CA10: variants seen among roughly 807,000 people sequenced by gnomAD.
CA10 encodes the protein carbonic anhydrase 10 (inactive), also known as carbonic anhydrase-related protein 10.
CA10 carries 14 observed loss-of-function variants against 44.2 expected under a neutral mutation model. The observed-to-expected ratio is 0.32, with a 90% CI of 0.21 to 0.50. CA10 has a LOEUF of 0.50. Among genes scored for constraint, CA10 ranks in the 20% least tolerant of loss-of-function variants. The pLI, the probability that CA10 is intolerant of heterozygous loss-of-function variation, is 0.99. For missense variants in CA10, 350 were observed against 409.7 expected, an observed-to-expected ratio of 0.85 and a Z score of 1.26; for synonymous variants, 159 against 141.6, an observed-to-expected ratio of 1.12 and a Z score of -0.87.
intron 4 of CA10, among the ~76,000 whole-genome samples, chr17:51,726,426 G>A (rs1916524534): frequency 6.6e-6 from 1 of 152,112 alleles, no homozygotes; most frequent in African/African-American, 2.4e-5. Flanking sequence ...GTTGCTGAGC[G>A]AGTAGATTTT....
chr17:51,783,712 C>T (rs776430574), intron 3 of CA10, among the ~76,000 whole-genome samples: 7 of 152,124 alleles, frequency 4.6e-5, no homozygotes, highest in Non-Finnish European at 1.0e-4. Flanking sequence ...GGGTCCTTTT[C>T]CTTGGATAAA....
At chr17:51,805,341 G>A (rs1408814570) in intron 3 of CA10, among the ~76,000 whole-genome samples, 2 of 152,188 alleles carry the variant, frequency 1.3e-5, no homozygotes, top group Non-Finnish European at 2.9e-5. Flanking sequence ...TCTCCCTTAA[G>A]GGAGATTTTA....
chr17:51,959,282 C>CTCTCTCTG (rs748461115), intron 2 of CA10, among the ~76,000 whole-genome samples: 9 of 134,452 alleles, frequency 6.7e-5, no homozygotes, highest in Non-Finnish European at 1.3e-4. Flanking sequence ...CTCTCTCTCT[C>CTCTCTCTG]TGTGTGTGTG....
At chr17:51,678,264 G>A (rs1241667792) in intron 4 of CA10, among the ~76,000 whole-genome samples, 4 of 152,176 alleles carry the variant, frequency 2.6e-5, no homozygotes, top group African/African-American at 9.7e-5. Flanking sequence ...TTTTGGAATG[G>A]TGAAAGTGTT....
intron 3 of CA10, chr17:51,762,925 T>C (rs1405335748): frequency 6.6e-6 from 1 of 152,208 alleles, no homozygotes; most frequent in African/African-American, 2.4e-5. Flanking sequence ...TACATTTCTA[T>C]ATCGAGGCAA....
chr17:52,052,991 T>A (rs1045225640), intron 2 of CA10, among the ~76,000 whole-genome samples: 1 of 151,812 alleles, frequency 6.6e-6, no homozygotes, highest in African/African-American at 2.4e-5. Flanking sequence ...CTTCCTACTA[T>A]GTGCCTGGGG....
intron 2 of CA10, among the ~76,000 whole-genome samples, chr17:51,986,867 G>A (rs948959916): frequency 6.6e-6 from 1 of 151,986 alleles, no homozygotes; most frequent in African/African-American, 2.4e-5. Flanking sequence ...GTAGATATCG[G>A]CATGGATGTG....
At chr17:52,058,868 A>G (rs1987300633) in intron 2 of CA10, among the ~76,000 whole-genome samples, 1 of 152,090 alleles carries the variant, frequency 6.6e-6, no homozygotes, top group African/African-American at 2.4e-5. Flanking sequence ...CTTAATTTGC[A>G]TGTCTGTCTC....
At chr17:51,821,854 A>G (rs544035473) in intron 3 of CA10, among the ~76,000 whole-genome samples, 26 of 152,262 alleles carry the variant, frequency 1.7e-4, no homozygotes, top group African/African-American at 5.8e-4. Context: ...TCTGTTATCT[A>G]TTGGCTGTGA....
At chr17:51,678,669 C>G (rs1477870274) in intron 4 of CA10, among the ~76,000 whole-genome samples, 1 of 152,144 alleles carries the variant, frequency 6.6e-6, no homozygotes, top group Non-Finnish European at 1.5e-5. Flanking sequence ...AGGTGAACAT[C>G]TAAGACAGGG....
intron 2 of CA10, among the ~76,000 whole-genome samples, chr17:52,056,399 C>G (rs921351758): frequency 3.9e-5 from 6 of 152,014 alleles, no homozygotes; most frequent in Non-Finnish European, 7.4e-5. Context: ...AAAGAAGCCC[C>G]CTAACCTCAG....
intron 4 of CA10, among the ~76,000 whole-genome samples, chr17:51,718,734 T>C (rs1453442663): frequency 6.6e-6 from 1 of 152,144 alleles, no homozygotes; most frequent in Admixed American, 6.5e-5. Context: ...TGTTGCTATC[T>C]CCAAGTAGAT....
At chr17:51,633,724 ACT>A in intron 7 of CA10, 74 bp from the exon 8 acceptor site, 12 of 1,515,140 alleles carry the variant, frequency 7.9e-6, no homozygotes, top group Non-Finnish European at 9.9e-6. Context: ...GACCACAGAG[ACT>A]CTGGCCAAGC....
intron 3 of CA10, among the ~76,000 whole-genome samples, chr17:51,862,874 T>C (rs925044295): frequency 6.6e-6 from 1 of 151,674 alleles, no homozygotes; most frequent in African/African-American, 2.4e-5. Flanking sequence ...ATCATGAGAG[T>C]CCTATCCTCA....
chr17:52,134,811 C>A (rs1465197128), intron 1 of CA10: 3 of 513,636 alleles, frequency 5.8e-6, no homozygotes, highest in Non-Finnish European at 1.2e-5. Flanking sequence ...TGTGCCCTGG[C>A]ACCATGGATG....
chr17:51,813,407 C>G (rs1369590747), intron 3 of CA10, among the ~76,000 whole-genome samples: 1 of 152,230 alleles, frequency 6.6e-6, no homozygotes, highest in African/African-American at 2.4e-5. Context: ...TTCACCCAGG[C>G]TGCTGTAAGG....
intron 1 of CA10, chr17:52,135,194 G>A (rs1598233211): frequency 6.0e-6 from 2 of 332,914 alleles, no homozygotes; most frequent in African/African-American, 2.2e-5. Flanking sequence ...TCCCTCCCTC[G>A]CTAACCATGT....
chr17:51,681,899 C>T (rs1036146150), intron 4 of CA10, among the ~76,000 whole-genome samples: 1 of 152,182 alleles, frequency 6.6e-6, no homozygotes, highest in South Asian at 2.1e-4. Flanking sequence ...TTAAGCTTCA[C>T]TTAGACGTGG....
chr17:51,863,146 A>G (rs747959946), intron 3 of CA10, among the ~76,000 whole-genome samples: 2 of 152,242 alleles, frequency 1.3e-5, no homozygotes, highest in Admixed American at 6.5e-5. Flanking sequence ...GTACTGCATA[A>G]GTCAACAAAC....
Sources: gnomAD v4.1 joint callset for allele counts (sites outside exome capture counted in the v4.1 genomes callset) on GRCh38, gnomAD v4.1.1 for gene constraint, MANE v1.5 for transcripts, NCBI Gene and HGNC (gene_info 2026-07-23, HGNC 2026-07-21) for gene names.